CELF4: variants seen among roughly 807,000 people sequenced by gnomAD.
The protein encoded by CELF4 is CUG-BP- and ETR-3-like factor 4.
Under a neutral mutation model 59.9 loss-of-function variants are expected in CELF4, and 18 were observed. The observed-to-expected ratio is 0.30, with a 90% CI of 0.21 to 0.45. The LOEUF is 0.45. CELF4 is among the 20% of genes least tolerant of loss of function. CELF4 has a pLI of 1.00. For missense variants in CELF4, 456 were observed against 689.0 expected (o/e 0.66, Z 3.79); for synonymous variants, 261 against 267.1 (o/e 0.98, Z 0.22).
chr18:37,279,835 G>A (rs566017229), intron 3 of CELF4, among the ~76,000 whole-genome samples: 1 of 152,328 alleles, frequency 6.6e-6, no homozygotes, highest in South Asian at 2.1e-4. Flanking sequence ...AGGAAGCTGG[G>A]GCAGAGAAGG....
chr18:37,312,110 C>CAAA (rs59872500), intron 3 of CELF4, among the ~76,000 whole-genome samples: 34 of 50,632 alleles, frequency 6.7e-4, no homozygotes, highest in African/African-American at 8.7e-4. Flanking sequence ...GATTCCGTCT[C>CAAA]AAAAAAAAAA....
chr18:37,331,142 C>T (rs77643184), intron 2 of CELF4, among the ~76,000 whole-genome samples: 95 of 152,306 alleles, frequency 6.2e-4, no homozygotes, highest in African/African-American at 2.0e-3. Flanking sequence ...AGACTTCCAG[C>T]GCTGCGCTGC....
chr18:37,315,199 C>T (rs948072382), intron 3 of CELF4, among the ~76,000 whole-genome samples: 3 of 152,122 alleles, frequency 2.0e-5, no homozygotes, highest in Non-Finnish European at 4.4e-5. Context: ...GCCTGTTATC[C>T]CCAAGGCCCT....
At chr18:37,266,408 C>G in intron 9 of CELF4, 125 bp downstream of exon 9, 1 of 1,017,992 alleles carries the variant, frequency 9.8e-7, no homozygotes, top group Non-Finnish European at 1.5e-6. Context: ...ACAGCCCTCC[C>G]TCTTTCCACT....
chr18:37,296,433 C>G lies in CELF4; in HGVS notation c.449-21190G>C, dbSNP rs72883643. On this transcript the variant is annotated intron_variant, in intron 3 of 12. Coordinates refer to ENST00000420428, the MANE Select transcript of CELF4 (RefSeq NM_020180.4). ...CTGACCTTGACCTCTTGGGCTCAAG[C>G]AATCCACCTGGCTTGGCCTACCAAA... Among the ~76,000 whole-genome samples the G allele has an allele frequency of 5.9e-3, 904 of 152,348 alleles. 5 individuals are homozygous for G. Among genetic ancestry groups the G allele is most frequent in the Middle Eastern group, 0.014 (4 of 294 alleles).
rs746396699 is a variant in CELF4, at chr18:37,274,467, C to A, written c.658-13G>T. On this transcript the variant is annotated splice_polypyrimidine_tract_variant and intron_variant, in intron 5 of 12. Transcript: ENST00000420428. ...TGGACGAGGCTCCCTGCGGCCGGGG[C>A]GGCGCGTGAGACCCACCTGCTCCAG... The A allele has an allele frequency of 1.1e-5, 18 of 1,611,818 alleles. 1 individual carries two copies. The highest frequency in any genetic ancestry group is 1.7e-5 in the Admixed American group (1 of 59,964).
At chr18:37,376,899 C>T (rs1250918475) in intron 2 of CELF4, among the ~76,000 whole-genome samples, 1 of 152,118 alleles carries the variant, frequency 6.6e-6, no homozygotes, top group Non-Finnish European at 1.5e-5. Flanking sequence ...AGAGCCCCTC[C>T]CTACCTCTGG....
At chr18:37,274,770 T>C (rs1048645854) in intron 5 of CELF4, 35 bp downstream of exon 5, 2 of 1,539,518 alleles carry the variant, frequency 1.3e-6, no homozygotes, top group African/African-American at 1.4e-5. Context: ...GGCCCGCCGC[T>C]GCCCTCGCCC....
At chr18:37,305,853 T>G (rs1013192737) in intron 3 of CELF4, 1 of 152,252 alleles carries the variant, frequency 6.6e-6, no homozygotes, top group African/African-American at 2.4e-5. Flanking sequence ...TCACTGATGG[T>G]CAACTTAGTG....
intron 1 of CELF4, among the ~76,000 whole-genome samples, chr18:37,533,927 C>T (rs79865497): frequency 0.044 from 6,744 of 152,214 alleles, 183 homozygotes; most frequent in Non-Finnish European, 0.068. Context: ...CTTGGTTCGG[C>T]GGATTATTGG....
rs368233040 is a variant in CELF4, at chr18:37,273,038, G to C, written c.927C>G (p.Ala309=). The C allele has an allele frequency of 1.2e-6, 2 of 1,611,214 alleles. No individual in the cohort carries two copies. Among genetic ancestry groups the C allele is most frequent in the African/African-American group, 2.7e-5 (2 of 74,892 alleles). The change falls in exon 7 of 13, where the codon GCC becomes GCG. Residue 309 remains alanine, a synonymous_variant. Transcript: ENST00000420428. ...CACCTGAGGTTGGGGTCATAGGTGC[G>C]GCCGCCAGGCCATTCATGTTGAGGG... ...MAALNMNGLA[A]APMTPTSGGS...
chr18:37,249,889 G>C (rs1160567959), intron 12 of CELF4, among the ~76,000 whole-genome samples: 1 of 152,150 alleles, frequency 6.6e-6, no homozygotes, highest in Non-Finnish European at 1.5e-5. Context: ...GTATAGGTCA[G>C]ACCCAAAGCA....
intron 1 of CELF4, among the ~76,000 whole-genome samples, chr18:37,533,466 A>G (rs1264854929): frequency 1.3e-5 from 2 of 152,180 alleles, no homozygotes; most frequent in Non-Finnish European, 2.9e-5. Flanking sequence ...TCTGATTCAG[A>G]GAATAAATCA....
chr18:37,275,033 C>A, intron 4 of CELF4, 82 bp downstream of exon 4: 1 of 1,560,720 alleles, frequency 6.4e-7, no homozygotes, highest in Non-Finnish European at 8.8e-7. Flanking sequence ...GGCGATGGCC[C>A]CGGAGACTCA....
intron 2 of CELF4, among the ~76,000 whole-genome samples, chr18:37,459,751 C>T (rs1349755229): frequency 6.6e-6 from 1 of 152,106 alleles, no homozygotes; most frequent in African/African-American, 2.4e-5. Context: ...CAGTGGGGAG[C>T]GGGTGGAGGT....
intron 2 of CELF4, among the ~76,000 whole-genome samples, chr18:37,449,627 C>T (rs748631802): frequency 6.6e-6 from 1 of 152,126 alleles, no homozygotes; most frequent in African/African-American, 2.4e-5. Flanking sequence ...ACTGGTTGGA[C>T]GGTCACAGAA....
chr18:37,489,886 C>T (rs892579110), intron 1 of CELF4, among the ~76,000 whole-genome samples: 2 of 152,176 alleles, frequency 1.3e-5, no homozygotes, highest in African/African-American at 4.8e-5. Flanking sequence ...ACAGAAATCT[C>T]TCCCCATCTT....
intron 1 of CELF4, among the ~76,000 whole-genome samples, chr18:37,499,446 C>A (rs1202091972): frequency 6.6e-6 from 1 of 152,186 alleles, no homozygotes; most frequent in Non-Finnish European, 1.5e-5. Flanking sequence ...GATCTCCACA[C>A]AGGAGCAGAA....
chr18:37,496,839 AGGGCTGC>A lies in CELF4; in HGVS notation c.287-11239_287-11233del, dbSNP rs1481613567. Among the ~76,000 whole-genome samples the A allele has an allele frequency of 1.1e-4, 17 of 152,170 alleles. No homozygotes were observed. In the East Asian group the frequency reaches 3.3e-3, roughly 29 times the overall value. On this transcript the variant is annotated intron_variant, in intron 1 of 12. Coordinates refer to ENST00000420428, the MANE Select transcript of CELF4 (RefSeq NM_020180.4). ...CAGGCATTTAGCAATATTTAACCTG[AGGGCTGC>A]GGCGAAGAAGGAGTTAGCAACTGTG...
Sources: gnomAD v4.1 joint callset for allele counts (sites outside exome capture counted in the v4.1 genomes callset) on GRCh38, gnomAD v4.1.1 for gene constraint, MANE v1.5 for transcripts, NCBI Gene and HGNC (gene_info 2026-07-23, HGNC 2026-07-21) for gene names.